The following SNX25 variants were observed in gnomAD, a reference collection of about 807,000 sequenced individuals.
SNX25 encodes the protein sorting nexin-25.
SNX25 carries 62 observed loss-of-function variants against 113.7 expected under a neutral mutation model. That is an observed-to-expected ratio of 0.55 (90% CI 0.44 to 0.67). The LOEUF (loss-of-function observed/expected upper bound fraction) is 0.67. SNX25 is among the 30% of genes least tolerant of loss of function. The pLI is 0.00. For missense variants in SNX25, 1,014 were observed against 1,161.0 expected (o/e 0.87, Z 1.84); for synonymous variants, 421 against 436.2 (o/e 0.97, Z 0.43).
chr4:185,277,530 G>A (rs1032622506), intron 5 of SNX25, among the ~76,000 whole-genome samples: 5 of 152,186 alleles, frequency 3.3e-5, no homozygotes, highest in East Asian at 3.9e-4. Context: ...CGCCATGGCC[G>A]ATTTAAAGCC....
At chr4:185,331,633 T>G (rs2126705554) in intron 9 of SNX25, among the ~76,000 whole-genome samples, 1 of 152,048 alleles carries the variant, frequency 6.6e-6, no homozygotes, top group Admixed American at 6.6e-5. Context: ...ATACAAAAAT[T>G]AGCTGGACGT....
chr4:185,220,156 A>T (rs1254921165), intron 1 of SNX25, among the ~76,000 whole-genome samples: 1 of 152,258 alleles, frequency 6.6e-6, no homozygotes, highest in East Asian at 1.9e-4. Context: ...TGGGCCTCAG[A>T]CTTATTTATT....
At chr4:185,353,643 A>G in intron 15 of SNX25, 41 bp downstream of exon 15, 1 of 1,438,886 alleles carries the variant, frequency 6.9e-7, no homozygotes, top group Non-Finnish European at 9.8e-7. Context: ...TTGCTAGTTA[A>G]GTGGTATATA....
At chr4:185,278,871 A>G (rs368399928) in intron 5 of SNX25, among the ~76,000 whole-genome samples, 1 of 152,204 alleles carries the variant, frequency 6.6e-6, no homozygotes, top group East Asian at 1.9e-4. Flanking sequence ...ACTATGAGGA[A>G]CAGTAGTAGA....
intron 1 of SNX25, among the ~76,000 whole-genome samples, chr4:185,214,712 T>C (rs1385887000): frequency 6.6e-6 from 1 of 152,252 alleles, no homozygotes; most frequent in Non-Finnish European, 1.5e-5. Flanking sequence ...ATTGGATTAA[T>C]AAGCATTTAC....
chr4:185,233,089 G>T (rs1579389441), intron 1 of SNX25, among the ~76,000 whole-genome samples: 1 of 152,084 alleles, frequency 6.6e-6, no homozygotes, highest in Non-Finnish European at 1.5e-5. Flanking sequence ...TTCGAGACCT[G>T]CCTGGCCAAC....
At chr4:185,372,812 G>A, downstream of SNX25, 2 of 1,462,982 alleles carry the variant, frequency 1.4e-6, no homozygotes, top group Non-Finnish European at 1.9e-6. Flanking sequence ...TACCTAGTGT[G>A]TGATATTCTG....
rs1745000069 is a variant in SNX25, at chr4:185,247,298, C to T, written c.434C>T (p.Pro145Leu). The T allele has an allele frequency of 6.3e-6, 10 of 1,593,308 alleles. No individual in the cohort carries two copies. The highest frequency in any genetic ancestry group is 1.7e-4 in the Middle Eastern group (1 of 5,952). ...ATTTTTTTCCTTTCATTTCAGAGTC[C>T]TGTGTATGGAAACTCACATGAGTCA... is the stretch of plus-strand genomic sequence containing the variant. ...TSAARRPPGSPVYGNSHESAQ... is the reference protein window; with the variant it reads ...TSAARRPPGSLVYGNSHESAQ... Residue 145 changes from proline (P) to leucine (L), a missense_variant, in exon 2 of 19, where the codon CCT (proline) becomes CTT (leucine). Transcript: ENST00000652585.
At chr4:185,212,397 A>G (rs150728795) in intron 1 of SNX25, among the ~76,000 whole-genome samples, 2 of 143,066 alleles carry the variant, frequency 1.4e-5, no homozygotes, top group East Asian at 2.1e-4. Context: ...ATAAAATTCT[A>G]TTTTCTTTGT....
rs1244181263 is a variant in SNX25 at position 185,267,144 on chromosome 4, G to A, written c.1080G>A (p.Leu360=). The part of the protein sequence containing the change: ...LINSNSDVEF[L]KQLRYQIVVE... Reference sequence around the variant, plus strand: ...ACAGCAACTCTGATGTGGAGTTCTTGAAGCAACTAAGGTATTTGGTCTTCA... The same window carrying A: ...ACAGCAACTCTGATGTGGAGTTCTTAAAGCAACTAAGGTATTTGGTCTTCA... Residue 360 remains leucine (L), a synonymous_variant, in exon 5 of 19, where the codon TTG becomes TTA. Coordinates refer to ENST00000652585, the MANE Select transcript of SNX25 (RefSeq NM_001378034.2). 1.9e-6 allele frequency: 3 copies of A among 1,612,726 alleles called. No individual in the cohort carries two copies. Among genetic ancestry groups the A allele is most frequent in the Admixed American group, 1.7e-5 (1 of 59,946 alleles).
intron 13 of SNX25, among the ~76,000 whole-genome samples, chr4:185,347,750 C>A (rs959665744): frequency 6.6e-6 from 1 of 152,206 alleles, no homozygotes; most frequent in Non-Finnish European, 1.5e-5. Flanking sequence ...GGACTACAGG[C>A]GTGAGCCACT....
chr4:185,298,152 A>C (rs986835985), intron 6 of SNX25, among the ~76,000 whole-genome samples: 2 of 150,788 alleles, frequency 1.3e-5, no homozygotes, highest in Non-Finnish European at 2.9e-5. Context: ...GCAATGGCAC[A>C]ATCTTGGCTC....
chr4:185,239,564 C>T (rs1212230566), intron 1 of SNX25, among the ~76,000 whole-genome samples: 2 of 152,186 alleles, frequency 1.3e-5, no homozygotes, highest in African/African-American at 4.8e-5. Flanking sequence ...TTTTCTCTCT[C>T]TGCAGAAAAA....
chr4:185,216,649 C>A (rs1238717897), intron 1 of SNX25, among the ~76,000 whole-genome samples: 9 of 150,752 alleles, frequency 6.0e-5, no homozygotes, highest in Non-Finnish European at 1.2e-4. Flanking sequence ...CCTCCCGAGT[C>A]ACTGGGATGA....
At chr4:185,281,225 C>T (rs149815093) in intron 5 of SNX25, among the ~76,000 whole-genome samples, 209 of 152,162 alleles carry the variant, frequency 1.4e-3, no homozygotes, top group African/African-American at 4.7e-3. Context: ...CAAATTTATA[C>T]ATATTTAACA....
In SNX25 at chr4:185,349,612, C is replaced by T. The variant is rs571160740; in HGVS notation, c.2302-1833C>T. On this transcript the variant is annotated intron_variant, in intron 13 of 18. Transcript: ENST00000652585. Reference sequence around the variant, plus strand: ...TCTGGTGTGAGATGGTATCTCCTGGCTTTGACTTATATTTCCCTATTCATG... The same window carrying T: ...TCTGGTGTGAGATGGTATCTCCTGGTTTTGACTTATATTTCCCTATTCATG... Among the ~76,000 whole-genome samples the T allele has an allele frequency of 9.2e-5, 14 of 152,270 alleles. No individual in the cohort carries two copies. The East Asian group carries it at 2.7e-3, about 29-fold the overall frequency.
chr4:185,264,962 T>C (rs1217911618), intron 4 of SNX25, among the ~76,000 whole-genome samples: 1 of 151,928 alleles, frequency 6.6e-6, no homozygotes, highest in Non-Finnish European at 1.5e-5. Context: ...AGTATGTATG[T>C]TTATATATTA....
chr4:185,294,602 T>C (rs1752600615), intron 6 of SNX25, among the ~76,000 whole-genome samples: 1 of 152,186 alleles, frequency 6.6e-6, no homozygotes, highest in African/African-American at 2.4e-5. Context: ...ATTTGGAAGT[T>C]ACCATTATAG....
chr4:185,288,041 C>A lies in SNX25; in HGVS notation c.1121C>A (p.Ala374Glu). The change falls in exon 6 of 19, where the codon GCG becomes GAG. Residue 374 changes from alanine to glutamate, a missense_variant. Physicochemically the swap from Ala to Glu is moderately radical, Grantham distance 107 (BLOSUM62 -1). Coordinates refer to ENST00000652585, the MANE Select transcript of SNX25 (RefSeq NM_001378034.2). Reference sequence around the variant, plus strand: ...CAAATTGTAGTGGAAATAATCCAGGCGACTACAATTAGCAGCTTTCCCCAA... The same window carrying A: ...CAAATTGTAGTGGAAATAATCCAGGAGACTACAATTAGCAGCTTTCCCCAA... Reference protein sequence around the residue: ...RYQIVVEIIQATTISSFPQLK... With the variant: ...RYQIVVEIIQETTISSFPQLK... 9 of 1,612,976 alleles carry A rather than the reference C, an allele frequency of 5.6e-6. No individual in the cohort carries two copies. The highest frequency in any genetic ancestry group is 6.8e-6 in the Non-Finnish European group (8 of 1,179,450).
Sources: gnomAD v4.1 joint callset for allele counts (sites outside exome capture counted in the v4.1 genomes callset) on GRCh38, gnomAD v4.1.1 for gene constraint, MANE v1.5 for transcripts, NCBI Gene and HGNC (gene_info 2026-07-23, HGNC 2026-07-21) for gene names.